The following FHIT variants were observed in gnomAD, a reference collection of about 807,000 sequenced individuals.
FHIT encodes bis(5'-adenosyl)-triphosphatase.
In FHIT, 19 loss-of-function variants were observed where a neutral mutation model predicts 17.9. The ratio of observed to expected loss-of-function variants is 1.06; its 90% CI spans 0.74 to 1.56. The LOEUF is 1.56. Among genes scored for constraint, FHIT ranks in the 40% most tolerant of loss-of-function variants. The probability of loss-of-function intolerance (pLI) is 0.00; values close to 1 mark genes in which losing one functional copy is unlikely to be tolerated. For missense variants in FHIT, 248 were observed against 189.2 expected, an observed-to-expected ratio of 1.31 and a Z score of -1.82; for synonymous variants, 81 against 69.7, an observed-to-expected ratio of 1.16 and a Z score of -0.81.
At chr3:60,514,989 G>T (rs942809393) in intron 5 of FHIT, among the ~76,000 whole-genome samples, 2 of 151,832 alleles carry the variant, frequency 1.3e-5, no homozygotes, top group East Asian at 3.9e-4. Flanking sequence ...CACCTTACTA[G>T]ATAAAATGCA....
At chr3:60,206,257 A>T (rs1332848186) in intron 5 of FHIT, among the ~76,000 whole-genome samples, 1 of 151,984 alleles carries the variant, frequency 6.6e-6, no homozygotes, top group Admixed American at 6.6e-5. Flanking sequence ...TATTAAAATC[A>T]AGAGGGCACC....
chr3:60,573,432 A>G (rs1454485523), intron 4 of FHIT, among the ~76,000 whole-genome samples: 1 of 152,126 alleles, frequency 6.6e-6, no homozygotes, highest in East Asian at 1.9e-4. Flanking sequence ...TCCAAACTAA[A>G]AACTGTAGTG....
At chr3:59,842,609 G>T (rs1176930529) in intron 8 of FHIT, among the ~76,000 whole-genome samples, 1 of 152,038 alleles carries the variant, frequency 6.6e-6, no homozygotes, top group Non-Finnish European at 1.5e-5. Flanking sequence ...CAACTTAATG[G>T]GTATGCAGTG....
chr3:61,122,298 C>A (rs190058203), intron 2 of FHIT, among the ~76,000 whole-genome samples: 1 of 152,296 alleles, frequency 6.6e-6, no homozygotes, highest in African/African-American at 2.4e-5. Flanking sequence ...AACTGGCTAG[C>A]CATATGCAGC....
chr3:60,623,119 G>A (rs782588263), intron 4 of FHIT, among the ~76,000 whole-genome samples: 3 of 152,148 alleles, frequency 2.0e-5, no homozygotes, highest in Non-Finnish European at 4.4e-5. Flanking sequence ...GCGGGACCTG[G>A]CACACATAGT....
rs1707982240 is a variant in FHIT, at chr3:60,932,070, A to C, written c.-111+109977T>G. On this transcript the variant is annotated intron_variant, in intron 3 of 9. Transcript: ENST00000492590. Reference sequence around the variant, plus strand: ...TTTTCTGCTACTTTCCCTCTTGATGAACTTGTTAGACATGATAAATGGACA... The same window carrying C: ...TTTTCTGCTACTTTCCCTCTTGATGCACTTGTTAGACATGATAAATGGACA... 4.6e-5 allele frequency among the ~76,000 whole-genome samples: 7 copies of C among 152,310 alleles called. No homozygotes were observed. The South Asian group carries it at 1.5e-3, about 32-fold the overall frequency.
At chr3:60,106,676 A>T (rs72880880) in intron 5 of FHIT, among the ~76,000 whole-genome samples, 1,992 of 151,720 alleles carry the variant, frequency 0.013, 46 homozygotes, top group African/African-American at 0.046. Flanking sequence ...AAGAGATGAG[A>T]CTCCCCTATC....
At position 61,090,436 on chromosome 3, in the gene FHIT, T is replaced by C. The variant is rs142479992; in HGVS notation, c.-163-48337A>G. ...CCCAAGGCTTCTGCCTTTGTAGGGATGGTCTGAAATGATATAGAATTTGAA... is the reference window on the plus strand; with the variant it reads ...CCCAAGGCTTCTGCCTTTGTAGGGACGGTCTGAAATGATATAGAATTTGAA... On this transcript the variant is annotated intron_variant, in intron 2 of 9. Transcript: ENST00000492590. 2.4e-3 allele frequency among the ~76,000 whole-genome samples: 360 copies of C among 152,330 alleles called. 1 individual carries two copies. The highest frequency in any genetic ancestry group is 8.4e-3 in the African/African-American group (348 of 41,582).
intron 7 of FHIT, among the ~76,000 whole-genome samples, chr3:59,961,531 C>G (rs1330868980): frequency 6.6e-6 from 1 of 151,704 alleles, no homozygotes; most frequent in East Asian, 1.9e-4. Context: ...AAATCCAGGA[C>G]CCCACTGGTG....
chr3:60,337,352 G>C (rs776737166), intron 5 of FHIT, among the ~76,000 whole-genome samples: 1 of 151,970 alleles, frequency 6.6e-6, no homozygotes, highest in Non-Finnish European at 1.5e-5. Flanking sequence ...CGGTTTCGTG[G>C]CTTTACTACT....
intron 7 of FHIT, among the ~76,000 whole-genome samples, chr3:59,987,981 C>T (rs913923152): frequency 6.6e-6 from 1 of 152,030 alleles, no homozygotes; most frequent in Admixed American, 6.6e-5. Flanking sequence ...AAAAATGCCT[C>T]ATGTAGATCC....
chr3:60,776,751 G>A (rs782248899), intron 4 of FHIT, among the ~76,000 whole-genome samples: 1 of 152,220 alleles, frequency 6.6e-6, no homozygotes, highest in Non-Finnish European at 1.5e-5. Flanking sequence ...AGATTTACAT[G>A]CAAGGTGTAT....
At chr3:61,044,142 G>C (rs1419606976) in intron 2 of FHIT, among the ~76,000 whole-genome samples, 1 of 152,204 alleles carries the variant, frequency 6.6e-6, no homozygotes, top group Non-Finnish European at 1.5e-5. Context: ...AATTTGACGA[G>C]TTGAGAGAAG....
At chr3:60,211,272 C>G (rs1381628024) in intron 5 of FHIT, among the ~76,000 whole-genome samples, 2 of 151,572 alleles carry the variant, frequency 1.3e-5, no homozygotes, top group Admixed American at 1.3e-4. Context: ...GTATGTATAT[C>G]CACATACAAA....
intron 2 of FHIT, among the ~76,000 whole-genome samples, chr3:61,108,190 CTTCA>C (rs1303553823): frequency 1.3e-5 from 2 of 152,106 alleles, no homozygotes; most frequent in Non-Finnish European, 2.9e-5. Flanking sequence ...TTATTATCAT[CTTCA>C]TTATCACTCT....
chr3:60,453,966 G>GA (rs1222485530), intron 5 of FHIT, among the ~76,000 whole-genome samples: 4 of 150,556 alleles, frequency 2.7e-5, no homozygotes, highest in African/African-American at 4.9e-5. Context: ...ATCTCTATGA[G>GA]AAAAAAAAAT....
intron 8 of FHIT, among the ~76,000 whole-genome samples, chr3:59,861,437 A>G (rs563509605): frequency 6.6e-6 from 1 of 152,350 alleles, no homozygotes; most frequent in Admixed American, 6.5e-5. Flanking sequence ...AACACCTGAA[A>G]GATGGAAGGG....
intron 8 of FHIT, among the ~76,000 whole-genome samples, chr3:59,917,420 G>C (rs1705184709): frequency 6.6e-6 from 1 of 152,188 alleles, no homozygotes; most frequent in South Asian, 2.1e-4. Context: ...GTCTTACTGA[G>C]TTAATGAAAT....
At chr3:60,883,623 C>G (rs543737307) in intron 3 of FHIT, among the ~76,000 whole-genome samples, 10 of 152,170 alleles carry the variant, frequency 6.6e-5, no homozygotes, top group South Asian at 6.2e-4. Flanking sequence ...AAAGGACAGT[C>G]TATTCATAAA....
Sources: gnomAD v4.1 joint callset for allele counts (sites outside exome capture counted in the v4.1 genomes callset) on GRCh38, gnomAD v4.1.1 for gene constraint, MANE v1.5 for transcripts, NCBI Gene and HGNC (gene_info 2026-07-23, HGNC 2026-07-21) for gene names.